Variants in MAML2 observed in about 807,000 individuals in gnomAD.
The protein encoded by MAML2 is mastermind like transcriptional coactivator 2.
MAML2 carries 22 observed loss-of-function variants against 96.1 expected under a neutral mutation model. That is an observed-to-expected ratio of 0.23 (90% CI 0.16 to 0.33). MAML2 has a LOEUF of 0.33. Ranked by LOEUF, MAML2 falls within the 10% of genes least tolerant of loss-of-function variation. The probability of loss-of-function intolerance (pLI) is 1.00; values close to 1 mark genes in which losing one functional copy is unlikely to be tolerated. For missense variants in MAML2, 1,367 were observed against 1,392.4 expected (o/e 0.98, Z 0.29); for synonymous variants, 561 against 521.3 (o/e 1.08, Z -1.04).
intron 1 of MAML2, among the ~76,000 whole-genome samples, chr11:96,236,443 A>T (rs566827906): frequency 1.3e-5 from 2 of 152,336 alleles, no homozygotes; most frequent in South Asian, 2.1e-4. Context: ...TATCTTTCAA[A>T]TAAACATTTT....
chr11:96,061,784 C>T (rs898116989), intron 2 of MAML2, among the ~76,000 whole-genome samples: 1 of 151,866 alleles, frequency 6.6e-6, no homozygotes, highest in Non-Finnish European at 1.5e-5. Context: ...TTCTTCTTCC[C>T]TTCTTCTTTT....
intron 2 of MAML2, among the ~76,000 whole-genome samples, chr11:96,049,794 C>T (rs1372849302): frequency 6.6e-6 from 1 of 152,196 alleles, no homozygotes. Flanking sequence ...TTTACTAATT[C>T]AAGTGTGTGC....
At chr11:96,328,645 A>T (rs1863816506) in intron 1 of MAML2, among the ~76,000 whole-genome samples, 1 of 152,180 alleles carries the variant, frequency 6.6e-6, no homozygotes, top group African/African-American at 2.4e-5. Flanking sequence ...GTGTTACCGT[A>T]AAAATTCTTT....
chr11:96,084,476 G>T (rs545199488), intron 2 of MAML2, among the ~76,000 whole-genome samples: 157 of 152,270 alleles, frequency 1.0e-3, no homozygotes, highest in African/African-American at 3.6e-3. Context: ...GAGACTGGGG[G>T]ATGTGGAGAT....
At chr11:96,000,648 T>G (rs1488283079) in intron 2 of MAML2, among the ~76,000 whole-genome samples, 1 of 152,234 alleles carries the variant, frequency 6.6e-6, no homozygotes, top group Admixed American at 6.5e-5. Context: ...TCTGTTTACA[T>G]TAGCCTTCCA....
At chr11:96,330,602 T>G (rs1246147338) in intron 1 of MAML2, among the ~76,000 whole-genome samples, 1 of 152,252 alleles carries the variant, frequency 6.6e-6, no homozygotes, top group East Asian at 1.9e-4. Flanking sequence ...GCAGTTCCTC[T>G]GCTGGTTTCA....
At chr11:96,245,006 T>A (rs1862491103) in intron 1 of MAML2, among the ~76,000 whole-genome samples, 1 of 152,188 alleles carries the variant, frequency 6.6e-6, no homozygotes, top group African/African-American at 2.4e-5. Flanking sequence ...TATACATCCA[T>A]ACTGAACTGT....
chr11:96,219,781 A>G (rs1862105218), intron 1 of MAML2, among the ~76,000 whole-genome samples: 2 of 152,104 alleles, frequency 1.3e-5, no homozygotes, highest in African/African-American at 4.8e-5. Flanking sequence ...ACCTGCCACG[A>G]TACCCAGCTA....
chr11:96,001,101 A>G (rs1289794788), intron 2 of MAML2, among the ~76,000 whole-genome samples: 1 of 152,220 alleles, frequency 6.6e-6, no homozygotes, highest in Non-Finnish European at 1.5e-5. Context: ...TATAATGTTT[A>G]TTTCAAATGA....
At chr11:96,005,055 C>T (rs1433863120) in intron 2 of MAML2, among the ~76,000 whole-genome samples, 3 of 152,162 alleles carry the variant, frequency 2.0e-5, no homozygotes, top group African/African-American at 7.2e-5. Flanking sequence ...TGAGAAGGCA[C>T]CTAATCAGTG....
intron 1 of MAML2, among the ~76,000 whole-genome samples, chr11:96,159,111 G>A (rs1861056976): frequency 1.3e-5 from 2 of 152,112 alleles, no homozygotes; most frequent in South Asian, 4.1e-4. Flanking sequence ...TTTTGTCATA[G>A]AAACTTGAGT....
chr11:96,096,695 C>T (rs1204208534), intron 1 of MAML2, among the ~76,000 whole-genome samples: 2 of 152,184 alleles, frequency 1.3e-5, no homozygotes, highest in African/African-American at 4.8e-5. Context: ...AGGGAAAATA[C>T]TCAACTTTTC....
intron 1 of MAML2, among the ~76,000 whole-genome samples, chr11:96,315,819 T>C (rs1431769571): frequency 1.3e-5 from 2 of 152,244 alleles, no homozygotes; most frequent in Non-Finnish European, 2.9e-5. Flanking sequence ...TGAGGAACTA[T>C]AGGGAAACCC....
At chr11:96,133,009 C>G (rs1860570402) in intron 1 of MAML2, among the ~76,000 whole-genome samples, 1 of 152,166 alleles carries the variant, frequency 6.6e-6, no homozygotes, top group Admixed American at 6.5e-5. Flanking sequence ...AATATGTCTA[C>G]TTAAGTGTTA....
intron 1 of MAML2, among the ~76,000 whole-genome samples, chr11:96,133,474 G>C (rs1176067089): frequency 6.6e-6 from 1 of 152,142 alleles, no homozygotes; most frequent in Non-Finnish European, 1.5e-5. Context: ...CCCGTATACA[G>C]TCATTACACA....
At position 95,985,604 on chromosome 11, in the gene MAML2, C is replaced by A; in HGVS notation, c.2382G>T (p.Leu794Phe). ...IAPQDQINRH[L>F]SRPPPDYKDQ... ...CTTTATAATCTGGAGGTGGCCTTGA[C>A]AAATGTCGGTTTATCTGATCTTGTG... is the stretch of plus-strand genomic sequence containing the variant. The change falls in exon 4 of 5, where the codon TTG becomes TTT. Residue 794 changes from leucine (L) to phenylalanine (F), a missense_variant. Transcript: ENST00000524717. The A allele has an allele frequency of 6.2e-7, 1 of 1,612,676 alleles. No homozygotes were observed. Among genetic ancestry groups the A allele is most frequent in the Non-Finnish European group, 8.5e-7 (1 of 1,179,194 alleles).
chr11:96,028,888 C>T (rs1858566936), intron 2 of MAML2, among the ~76,000 whole-genome samples: 1 of 151,980 alleles, frequency 6.6e-6, no homozygotes, highest in Non-Finnish European at 1.5e-5. Flanking sequence ...TTCTTACATC[C>T]CCAACACACA....
rs1008771443 is a variant in MAML2, at chr11:96,194,140, C to A, written c.514-100623G>T. Among the ~76,000 whole-genome samples the A allele has an allele frequency of 2.6e-5, 4 of 152,246 alleles. No individual in the cohort carries two copies. In the South Asian group the frequency reaches 8.3e-4, roughly 32 times the overall value. On this transcript the variant is annotated intron_variant, in intron 1 of 4. Transcript: ENST00000524717. Reference sequence around the variant, plus strand: ...ATAGTTGCAGAAATAAAAGAAAGGCCGAGACTCTAATAGCTGGCCAGGTGG... The same window carrying A: ...ATAGTTGCAGAAATAAAAGAAAGGCAGAGACTCTAATAGCTGGCCAGGTGG...
At chr11:95,984,044 G>C (rs1019603830) in intron 4 of MAML2, among the ~76,000 whole-genome samples, 1 of 151,900 alleles carries the variant, frequency 6.6e-6, no homozygotes, top group East Asian at 1.9e-4. Flanking sequence ...CTCCATTCAC[G>C]GTAAGGGCCC....
Sources: gnomAD v4.1 joint callset for allele counts (sites outside exome capture counted in the v4.1 genomes callset) on GRCh38, gnomAD v4.1.1 for gene constraint, MANE v1.5 for transcripts, NCBI Gene and HGNC (gene_info 2026-07-23, HGNC 2026-07-21) for gene names.